CFB: variants seen among roughly 807,000 people sequenced by gnomAD.
The protein encoded by CFB is complement factor B.
A neutral mutation model predicts 97.2 loss-of-function variants in CFB; 59 were observed. That is an observed-to-expected ratio of 0.61 (90% CI 0.49 to 0.75). The LOEUF (loss-of-function observed/expected upper bound fraction) is 0.75, where lower values mean the gene tolerates loss of function less well. Among genes scored for constraint, CFB ranks in the 30% least tolerant of loss-of-function variants. The pLI is 0.00. For synonymous variants in CFB, 316 were observed against 351.7 expected (o/e 0.90, Z 1.14); for missense variants, 771 against 959.8 (o/e 0.80, Z 2.60).
chr6:31,950,157 G>A lies in CFB; in HGVS notation c.1506+10G>A. Reference sequence around the variant, plus strand: ...CAAGATCTCAGTCATTGTAAGCACAGAATCCCAGTAGTGGGGACTTGGGGG... The same window carrying A: ...CAAGATCTCAGTCATTGTAAGCACAAAATCCCAGTAGTGGGGACTTGGGGG... On this transcript the variant is annotated intron_variant, in intron 11 of 17. Transcript: ENST00000425368. 1.2e-6 allele frequency: 2 copies of A among 1,612,958 alleles called. No homozygotes were observed. The highest frequency in any genetic ancestry group is 1.7e-6 in the Non-Finnish European group (2 of 1,179,940).
Position 31,950,391 on chromosome 6 carries a change from A to G in CFB, c.1612A>G (p.Lys538Glu), listed in dbSNP as rs1054553580. Residue 538 changes from lysine to glutamate, a missense_variant, in exon 12 of 18, where the codon AAG becomes GAG. Coordinates refer to ENST00000425368, the MANE Select transcript of CFB (RefSeq NM_001710.6). Reference sequence around the variant, plus strand: ...TGTGGATGACAAGGAACACTCAATCAAGGTCAGCGTAGGTAAGGATGCAAC... The same window carrying G: ...TGTGGATGACAAGGAACACTCAATCGAGGTCAGCGTAGGTAAGGATGCAAC... ...FTVDDKEHSI[K>E]VSVGGEKRDL... is the part of the protein sequence containing the mutation. 6.2e-7 allele frequency: 1 copy of G among 1,612,776 alleles called. No homozygotes were observed.
chr6:31,951,161 G>A lies in CFB; in HGVS notation c.1873G>A (p.Ala625Thr), dbSNP rs1390688915. ...TCGTCCAGAGGAAGAGCTGCTCCCT[G>A]CACAGGATATCAAAGCTCTGTTTGT... is the stretch of plus-strand genomic sequence containing the variant. ...CQQQKEELLP[A>T]QDIKALFVSE... The change falls in exon 15 of 18, where the codon GCA becomes ACA. Residue 625 changes from alanine to threonine, a missense_variant. By Grantham distance (58) the Ala-to-Thr change is moderately conservative. Coordinates refer to ENST00000425368, the MANE Select transcript of CFB (RefSeq NM_001710.6). This position sits in a 1 kb window ranked among gnomAD's most constrained non-coding sequence, Gnocchi z 4.3. 6.2e-7 allele frequency: 1 copy of A among 1,612,986 alleles called. No individual in the cohort carries two copies. Among genetic ancestry groups the A allele is most frequent in the Non-Finnish European group, 8.5e-7 (1 of 1,179,974 alleles).
In CFB at chr6:31,951,334, C is replaced by T. The variant is rs1369682145; in HGVS notation, c.1957-7C>T. 1 of 1,614,150 alleles carries T rather than the reference C, an allele frequency of 6.2e-7. No individual in the cohort carries two copies. On this transcript the variant is annotated splice_polypyrimidine_tract_variant and splice_region_variant and intron_variant, in intron 15 of 17. Coordinates refer to ENST00000425368, the MANE Select transcript of CFB (RefSeq NM_001710.6). This position sits in a 1 kb window ranked among gnomAD's most constrained non-coding sequence, Gnocchi z 4.3. ...TTACTTCTCCATGCTTCCCACCTCC[C>T]CTACAGAAAGGCAGCTGTGAGAGAG...
In CFB at chr6:31,950,412, G is replaced by T; in HGVS notation, c.1624+9G>T. 1 of 1,608,942 alleles carries T rather than the reference G, an allele frequency of 6.2e-7. No homozygotes were observed. ...AATCAAGGTCAGCGTAGGTAAGGAT[G>T]CAACTGAAGGTCCTGGGCTGCACCT... On this transcript the variant is annotated intron_variant, in intron 12 of 17. Transcript: ENST00000425368.
At position 31,947,751 on chromosome 6, in the gene CFB, T is replaced by A; in HGVS notation, c.668T>A (p.Met223Lys). The A allele has an allele frequency of 6.2e-7, 1 of 1,613,132 alleles. No homozygotes were observed. The highest frequency in any genetic ancestry group is 1.1e-5 in the South Asian group (1 of 91,086). Residue 223 changes from methionine to lysine, a missense_variant, in exon 5 of 18, where the codon ATG becomes AAG. Met to Lys is a moderately conservative substitution (Grantham distance 95, BLOSUM62 -1). Transcript: ENST00000425368. The surrounding 1 kb of genome is among the most constrained non-coding windows in gnomAD (Gnocchi z 5.3). ...GTEPSCQDSFMYDTPQEVAEA... is the reference protein window; with the variant it reads ...GTEPSCQDSFKYDTPQEVAEA... ...TTTCTGACTCTCCCAGACTCCTTCA[T>A]GTACGACACCCCTCAAGAGGTGGCC...
chr6:31,946,188 C>G lies in CFB; in HGVS notation c.-34C>G. 1 of 1,611,586 alleles carries G rather than the reference C, an allele frequency of 6.2e-7. No individual in the cohort carries two copies. On this transcript the variant is annotated 5_prime_UTR_variant, in exon 1 of 18. Coordinates refer to ENST00000425368, the MANE Select transcript of CFB (RefSeq NM_001710.6). The surrounding 1 kb of genome is among the most constrained non-coding windows in gnomAD (Gnocchi z 6.4). Reference sequence around the variant, plus strand: ...AGCAAGCCAGGACACACCATCCTGCCCCAGGCCCAGCTTCTCTCCTGCCTT... The same window carrying G: ...AGCAAGCCAGGACACACCATCCTGCGCCAGGCCCAGCTTCTCTCCTGCCTT...
In CFB at chr6:31,948,555, G is replaced by C. The variant is rs372495348; in HGVS notation, c.1036+43G>C. ...GGTGGGAGGTTCACTTTGGGGTCAG[G>C]AGGTTCAGGGTGGAGGGGGTCATGA... On this transcript the variant is annotated intron_variant, in intron 7 of 17. Transcript: ENST00000425368. 287 of 1,613,038 alleles carry C rather than the reference G, an allele frequency of 1.8e-4. 1 individual carries two copies. Among genetic ancestry groups the C allele is most frequent in the Middle Eastern group, 9.9e-4 (6 of 6,062 alleles).
At chr6:31,948,653 G>A in intron 7 of CFB, 141 bp downstream of exon 7, 1 of 1,502,946 alleles carries the variant, frequency 6.7e-7, no homozygotes, top group South Asian at 1.1e-5. Context: ...GGGCAATGGA[G>A]GTTAGTGGGA....
At chr6:31,949,863 T>C in intron 10 of CFB, 187 bp from the exon 11 acceptor site, 1 of 726,948 alleles carries the variant, frequency 1.4e-6, no homozygotes, top group South Asian at 1.6e-5. Flanking sequence ...CTCTGACAGC[T>C]TGATCCCAAG....
chr6:31,951,104 G>C lies in CFB; in HGVS notation c.1856-40G>C. ...TGACAAAGGCAATGGGGAGATGACA[G>C]TGGTGGGAGCAGCTGAAGTGACGCA... is the stretch of plus-strand genomic sequence containing the variant. On this transcript the variant is annotated intron_variant, in intron 14 of 17. Transcript: ENST00000425368. This position sits in a 1 kb window ranked among gnomAD's most constrained non-coding sequence, Gnocchi z 4.3. The C allele has an allele frequency of 6.2e-7, 1 of 1,602,520 alleles. No individual in the cohort carries two copies. Among genetic ancestry groups the C allele is most frequent in the Non-Finnish European group, 8.5e-7 (1 of 1,170,916 alleles).
chr6:31,946,236 C>T lies in CFB; in HGVS notation c.15C>T (p.Leu5=), dbSNP rs1582130680. 9 of 1,613,006 alleles carry T rather than the reference C, an allele frequency of 5.6e-6. No individual in the cohort carries two copies. The highest frequency in any genetic ancestry group is 1.1e-5 in the South Asian group (1 of 91,096). Residue 5 remains leucine, a synonymous_variant, in exon 1 of 18, where the codon CTC becomes CTT. Transcript: ENST00000425368. The surrounding 1 kb of genome is among the most constrained non-coding windows in gnomAD (Gnocchi z 6.4). Reference sequence around the variant, plus strand: ...CTTCCAACGCCATGGGGAGCAATCTCAGCCCCCAACTCTGCCTGATGCCCT... The same window carrying T: ...CTTCCAACGCCATGGGGAGCAATCTTAGCCCCCAACTCTGCCTGATGCCCT... MGSN[L]SPQLCLMPFI...
chr6:31,951,382 T>C lies in CFB; in HGVS notation c.1998T>C (p.Tyr666=). 3.1e-6 allele frequency: 5 copies of C among 1,614,200 alleles called. No homozygotes were observed. The highest frequency in any genetic ancestry group is 4.2e-6 in the Non-Finnish European group (5 of 1,180,040). ...CERDAQYAPG[Y]DKVKDISEVV... is the part of the protein sequence containing the mutation. ...GAGATGCTCAATATGCCCCAGGCTA[T>C]GACAAAGTCAAGGACATCTCAGAGG... The change falls in exon 16 of 18, where the codon TAT becomes TAC. Residue 666 remains tyrosine, a synonymous_variant. Coordinates refer to ENST00000425368, the MANE Select transcript of CFB (RefSeq NM_001710.6). The surrounding 1 kb of genome is among the most constrained non-coding windows in gnomAD (Gnocchi z 4.3).
Position 31,946,650 on chromosome 6 carries a change from G to T in CFB, c.298+44G>T. ...TGGGCAGTGGCCTAAGGCAGAAACA[G>T]GGCAGGCGGCAGCAAGGTCAGGACT... On this transcript the variant is annotated intron_variant, in intron 2 of 17. Transcript: ENST00000425368. This position sits in a 1 kb window ranked among gnomAD's most constrained non-coding sequence, Gnocchi z 6.4. 1 of 1,560,890 alleles carries T rather than the reference G, an allele frequency of 6.4e-7. No individual in the cohort carries two copies.
Position 31,946,930 on chromosome 6 carries a change from G to A in CFB, c.299-77G>A. On this transcript the variant is annotated intron_variant, in intron 2 of 17. Coordinates refer to ENST00000425368, the MANE Select transcript of CFB (RefSeq NM_001710.6). This position sits in a 1 kb window ranked among gnomAD's most constrained non-coding sequence, Gnocchi z 6.4. The stretch of plus-strand genomic sequence containing the variant: ...GAATGCGCTGTTTCTCAGTGACATG[G>A]TCTCCGAGACCAGGAGGGATACACC... 1 of 1,480,028 alleles carries A rather than the reference G, an allele frequency of 6.8e-7. No homozygotes were observed. Among genetic ancestry groups the A allele is most frequent in the Non-Finnish European group, 9.4e-7 (1 of 1,060,458 alleles). 91.7% of individuals were successfully genotyped at this position (1,480,028 alleles called of 1,614,324 possible). A position where few individuals can be genotyped will look rare whatever the true frequency, so the allele number is the denominator to read the frequency against.
At position 31,950,059 on chromosome 6, in the gene CFB, A is replaced by G. The variant is rs1325534335; in HGVS notation, c.1418A>G (p.Gln473Arg). ...DVFYQMIDES[Q>R]SLSLCGMVWE... Reference sequence around the variant, plus strand: ...TCTCCTTCTCTGCCAGATGAAAGCCAGTCTCTGAGTCTCTGTGGCATGGTT... The same window carrying G: ...TCTCCTTCTCTGCCAGATGAAAGCCGGTCTCTGAGTCTCTGTGGCATGGTT... The change falls in exon 11 of 18, where the codon CAG becomes CGG. Residue 473 changes from glutamine (Q) to arginine (R), a missense_variant. By Grantham distance (43) the Gln-to-Arg change is conservative. Coordinates refer to ENST00000425368, the MANE Select transcript of CFB (RefSeq NM_001710.6). The G allele has an allele frequency of 6.2e-7, 1 of 1,612,958 alleles. No individual in the cohort carries two copies. Among genetic ancestry groups the G allele is most frequent in the African/African-American group, 1.3e-5 (1 of 74,926 alleles).
intron 8 of CFB, 114 bp from the exon 9 acceptor site, chr6:31,949,129 G>A: frequency 1.4e-6 from 2 of 1,424,658 alleles, no homozygotes; most frequent in Non-Finnish European, 1.9e-6. Flanking sequence ...CCTAAGCCCT[G>A]TGATCAACTA....
At chr6:31,950,996 G>A (rs748864851) in intron 14 of CFB, 52 bp downstream of exon 14, 1 of 1,599,156 alleles carries the variant, frequency 6.3e-7, no homozygotes, top group South Asian at 1.1e-5. Flanking sequence ...AGACAAGTGG[G>A]GCATGAGAGG....
chr6:31,949,253 C>T lies in CFB; in HGVS notation c.1179C>T (p.Asn393=), dbSNP rs745631744. 3 of 1,614,160 alleles carry T rather than the reference C, an allele frequency of 1.9e-6. No individual in the cohort carries two copies. Among genetic ancestry groups the T allele is most frequent in the South Asian group, 1.1e-5 (1 of 91,078 alleles). Residue 393 remains asparagine (N), a synonymous_variant, in exon 9 of 18, where the codon AAC becomes AAT. Transcript: ENST00000425368. ...VIILMTDGLH[N]MGGDPITVID... ...CTGTCTCTTCTGCAGGATTGCACAACATGGGCGGGGACCCAATTACTGTCA... is the reference window on the plus strand; with the variant it reads ...CTGTCTCTTCTGCAGGATTGCACAATATGGGCGGGGACCCAATTACTGTCA...
intron 7 of CFB, 80 bp downstream of exon 7, chr6:31,948,592 G>A: frequency 1.3e-6 from 2 of 1,597,852 alleles, no homozygotes; most frequent in Non-Finnish European, 1.7e-6. Flanking sequence ...ACTACCTTGA[G>A]GGCGACAGGG....
Sources: allele counts gnomAD v4.1 joint callset, GRCh38; gene constraint gnomAD v4.1.1; non-coding constraint Gnocchi (gnomAD v3.1); transcripts MANE v1.5; gene names NCBI Gene and HGNC (gene_info 2026-07-23, HGNC 2026-07-21).